Variants in STAB2 observed in about 807,000 individuals in gnomAD.
STAB2 encodes stabilin 2, also known as stabilin-2.
STAB2 carries 288 observed loss-of-function variants against 338.1 expected under a neutral mutation model. That is an observed-to-expected ratio of 0.85 (90% CI 0.77 to 0.94). The LOEUF is 0.94. Among genes scored for constraint, STAB2 ranks in the 40% least tolerant of loss-of-function variants. The probability of loss-of-function intolerance (pLI) is 0.00; values close to 1 mark genes in which losing one functional copy is unlikely to be tolerated. For synonymous variants in STAB2, 1,202 were observed against 1,193.3 expected (o/e 1.01, Z -0.15); for missense variants, 3,141 against 3,210.1 (o/e 0.98, Z 0.52).
chr12:103,603,306 G>A (rs979697238), intron 3 of STAB2, among the ~76,000 whole-genome samples: 3 of 152,062 alleles, frequency 2.0e-5, no homozygotes, highest in Admixed American at 6.6e-5. Context: ...TCCTGACCTC[G>A]TGATCTGCCC....
Position 103,637,092 on chromosome 12 carries a change from C to A in STAB2, c.584-19C>A, listed in dbSNP as rs771918598. The A allele has an allele frequency of 6.3e-7, 1 of 1,588,166 alleles. No individual in the cohort carries two copies. The highest frequency in any genetic ancestry group is 1.2e-5 in the South Asian group (1 of 85,934). On this transcript the variant is annotated intron_variant, in intron 6 of 68. Coordinates refer to ENST00000388887, the MANE Select transcript of STAB2 (RefSeq NM_017564.10). ...GGTTATTCTACTAATGCAAGTACTT[C>A]AACAATTTTCCTATGCAGCCATCCC...
intron 3 of STAB2, among the ~76,000 whole-genome samples, chr12:103,615,906 AG>A (rs1435756997): frequency 6.6e-6 from 1 of 152,076 alleles, no homozygotes; most frequent in Non-Finnish European, 1.5e-5. Context: ...TTACCTCCAC[AG>A]GGTCTAGCCC....
intron 25 of STAB2, among the ~76,000 whole-genome samples, chr12:103,681,608 CCCT>C (rs1876906021): frequency 6.6e-6 from 1 of 150,790 alleles, no homozygotes; most frequent in Non-Finnish European, 1.5e-5. Flanking sequence ...CCAAATTCCC[CCCT>C]ACTTTTTTTT....
intron 7 of STAB2, among the ~76,000 whole-genome samples, chr12:103,637,442 T>C (rs938167783): frequency 6.6e-6 from 1 of 152,246 alleles, no homozygotes; most frequent in Non-Finnish European, 1.5e-5. Flanking sequence ...ATAGAGATTT[T>C]TATGTTTCCA....
intron 53 of STAB2, 89 bp downstream of exon 53, chr12:103,737,869 T>C (rs1882283279): frequency 6.5e-7 from 1 of 1,534,782 alleles, no homozygotes; most frequent in South Asian, 1.3e-5. Flanking sequence ...GTGAAACCAT[T>C]AAGGGCCTGT....
Position 103,713,631 on chromosome 12 carries a change from C to T in STAB2, c.4412-12C>T. The T allele has an allele frequency of 6.2e-7, 1 of 1,613,458 alleles. No homozygotes were observed. The highest frequency in any genetic ancestry group is 1.1e-5 in the South Asian group (1 of 91,002). On this transcript the variant is annotated splice_polypyrimidine_tract_variant and intron_variant, in intron 41 of 68. Coordinates refer to ENST00000388887, the MANE Select transcript of STAB2 (RefSeq NM_017564.10). Reference sequence around the variant, plus strand: ...TTCCCTCTCCCCTTCTGCTCTGTGTCATCTTCTATAGCAATCAATGCCTGT... The same window carrying T: ...TTCCCTCTCCCCTTCTGCTCTGTGTTATCTTCTATAGCAATCAATGCCTGT...
At chr12:103,758,728 C>T (rs1884316765) in intron 64 of STAB2, among the ~76,000 whole-genome samples, 1 of 152,242 alleles carries the variant, frequency 6.6e-6, no homozygotes, top group African/African-American at 2.4e-5. Flanking sequence ...ACCAGGGCCA[C>T]TGATGCAATC....
intron 12 of STAB2, among the ~76,000 whole-genome samples, chr12:103,654,019 G>A (rs927537150): frequency 2.6e-5 from 4 of 152,046 alleles, no homozygotes; most frequent in Non-Finnish European, 5.9e-5. Context: ...GATGGATGGA[G>A]GATGCATGCA....
At chr12:103,747,492 C>T (rs1011343846) in intron 58 of STAB2, among the ~76,000 whole-genome samples, 1 of 152,138 alleles carries the variant, frequency 6.6e-6, no homozygotes, top group Admixed American at 6.5e-5. Context: ...ATACCATAAG[C>T]CCAGCCTGGA....
At chr12:103,758,427 A>G in intron 64 of STAB2, 138 bp downstream of exon 64, 15 of 1,425,346 alleles carry the variant, frequency 1.1e-5, no homozygotes, top group Non-Finnish European at 1.4e-5. Flanking sequence ...TCAGTTGGCC[A>G]CTCCCTTGGT....
chr12:103,715,686 A>G, intron 42 of STAB2, 129 bp from the exon 43 acceptor site: 1 of 1,018,790 alleles, frequency 9.8e-7, no homozygotes, highest in South Asian at 1.5e-5. Context: ...CAGAACTTCC[A>G]GAAAACTGAA....
chr12:103,677,322 T>C, intron 24 of STAB2, 131 bp from the exon 25 acceptor site: 1 of 1,275,248 alleles, frequency 7.8e-7, no homozygotes. Flanking sequence ...TCAATGTAAA[T>C]TAAGCATTTC....
intron 31 of STAB2, among the ~76,000 whole-genome samples, 165 bp downstream of exon 31, chr12:103,693,054 T>C (rs964201428): frequency 2.0e-5 from 3 of 152,222 alleles, no homozygotes; most frequent in African/African-American, 7.2e-5. Context: ...GAGAGTCTAT[T>C]GATTCAATGA....
At chr12:103,644,546 T>C (rs1593176459) in intron 9 of STAB2, among the ~76,000 whole-genome samples, 1 of 133,102 alleles carries the variant, frequency 7.5e-6, no homozygotes, top group African/African-American at 4.0e-5. Flanking sequence ...AATAAATAAA[T>C]AAATAAATAA....
chr12:103,755,726 C>A lies in STAB2; in HGVS notation c.6987+8C>A, dbSNP rs754263623. The A allele has an allele frequency of 2.5e-6, 4 of 1,613,812 alleles. No homozygotes were observed. Among genetic ancestry groups the A allele is most frequent in the Admixed American group, 1.7e-5 (1 of 59,992 alleles). ...CTCACAAACTTCCTGACGGTATGTA[C>A]CATGTCTGCTTGGTTTGCCTCAGGC... On this transcript the variant is annotated splice_region_variant and intron_variant, in intron 63 of 68. Transcript: ENST00000388887.
intron 6 of STAB2, among the ~76,000 whole-genome samples, chr12:103,636,268 A>G (rs553973273): frequency 1.4e-5 from 2 of 142,314 alleles, no homozygotes; most frequent in Admixed American, 7.7e-5. Flanking sequence ...TCATTGTTCA[A>G]TTCCCACCTA....
intron 5 of STAB2, among the ~76,000 whole-genome samples, chr12:103,631,070 A>AT (rs1957452869): frequency 6.6e-6 from 1 of 152,232 alleles, no homozygotes; most frequent in South Asian, 2.1e-4. Flanking sequence ...TTCATTTATC[A>AT]TCCCTGAAAT....
chr12:103,647,686 C>G (rs1340704255), intron 9 of STAB2, among the ~76,000 whole-genome samples: 1 of 152,182 alleles, frequency 6.6e-6, no homozygotes, highest in Non-Finnish European at 1.5e-5. Context: ...TGAAATTGGT[C>G]AAGATTGGCA....
intron 11 of STAB2, among the ~76,000 whole-genome samples, chr12:103,651,628 T>C (rs1487174064): frequency 6.6e-6 from 1 of 152,180 alleles, no homozygotes; most frequent in African/African-American, 2.4e-5. Flanking sequence ...TTGATTTTTA[T>C]TGTGTGTTCT....
Sources: gnomAD v4.1 joint callset for allele counts (sites outside exome capture counted in the v4.1 genomes callset) on GRCh38, gnomAD v4.1.1 for gene constraint, MANE v1.5 for transcripts, NCBI Gene and HGNC (gene_info 2026-07-23, HGNC 2026-07-21) for gene names.